WWP1: variants seen among roughly 807,000 people sequenced by gnomAD.
The protein encoded by WWP1 is WW domain containing E3 ubiquitin protein ligase 1.
In WWP1, 49 loss-of-function variants were observed where a neutral mutation model predicts 130.6. The ratio of observed to expected loss-of-function variants is 0.38; its 90% CI spans 0.30 to 0.48. The LOEUF is 0.48. WWP1 is among the 20% of genes least tolerant of loss of function. WWP1 has a pLI of 0.99. For missense variants in WWP1, 809 were observed against 1,100.6 expected (o/e 0.74, Z 3.75); for synonymous variants, 332 against 367.8 (o/e 0.90, Z 1.11).
Position 86,374,128 on chromosome 8 carries a change from A to G in WWP1, c.70+8A>G. ...TGCAGTTACAGGTAACTGGTAAGTT[A>G]TTTTTATATTTAATATGGTGATTCC... is the stretch of plus-strand genomic sequence containing the variant. On this transcript the variant is annotated splice_region_variant and intron_variant, in intron 3 of 24. Coordinates refer to ENST00000517970, the MANE Select transcript of WWP1 (RefSeq NM_007013.4). The G allele has an allele frequency of 1.3e-6, 2 of 1,599,254 alleles. No homozygotes were observed. Among genetic ancestry groups the G allele is most frequent in the Middle Eastern group, 1.7e-4 (1 of 5,984 alleles).
chr8:86,391,303 T>C (rs1807324500), intron 5 of WWP1, among the ~76,000 whole-genome samples: 1 of 152,214 alleles, frequency 6.6e-6, no homozygotes, highest in Non-Finnish European at 1.5e-5. Context: ...AGAATGTTTG[T>C]GGATTTAAGC....
rs114668153 is a variant in WWP1, at chr8:86,465,466, A to T, written c.2670-1328A>T. Among the ~76,000 whole-genome samples the T allele has an allele frequency of 4.3e-3, 651 of 152,270 alleles. 6 individuals carry two copies. Among genetic ancestry groups the T allele is most frequent in the African/African-American group, 0.015 (616 of 41,558 alleles). On this transcript the variant is annotated intron_variant, in intron 24 of 24. Transcript: ENST00000517970. ...GACAAAACTTCGTCTCTACAAAAAA[A>T]AATACAAAAGTTAGCTGGCCATGGT... is the stretch of plus-strand genomic sequence containing the variant.
At chr8:86,380,504 G>T (rs1281753198) in intron 3 of WWP1, among the ~76,000 whole-genome samples, 3 of 152,134 alleles carry the variant, frequency 2.0e-5, no homozygotes, top group African/African-American at 4.8e-5. Flanking sequence ...AGTTTAAGTG[G>T]GTGAATTATA....
At chr8:86,431,307 TTA>T (rs528574199) in intron 12 of WWP1, 97 bp from the exon 13 acceptor site, 308 of 289,172 alleles carry the variant, frequency 1.1e-3, no homozygotes, top group African/African-American at 6.2e-3. Context: ...TGATATGTTT[TTA>T]TATATATAAT....
At chr8:86,400,831 GT>G (rs1180998818) in intron 7 of WWP1, among the ~76,000 whole-genome samples, 4 of 152,164 alleles carry the variant, frequency 2.6e-5, no homozygotes, top group Non-Finnish European at 5.9e-5. Flanking sequence ...TGGGATAAAG[GT>G]GTGGCTGATT....
chr8:86,406,662 A>ATG lies in WWP1; in HGVS notation c.724+4473_724+4474dup, dbSNP rs915908987. Among the ~76,000 whole-genome samples the ATG allele has an allele frequency of 3.2e-3, 483 of 151,276 alleles. 2 individuals are homozygous for ATG. The highest frequency in any genetic ancestry group is 0.011 in the African/African-American group (446 of 41,026). The stretch of plus-strand genomic sequence containing the variant: ...TTTCACCATTTCTACCTGTGTGTGT[A>ATG]TGTGTGTGTGTGTGTTTCTATACAG... On this transcript the variant is annotated intron_variant, in intron 8 of 24. Coordinates refer to ENST00000517970, the MANE Select transcript of WWP1 (RefSeq NM_007013.4).
Position 86,467,396 on chromosome 8 carries a change from TA to T in WWP1, c.*516del, listed in dbSNP as rs878923216. 436 of 145,350 alleles carry T rather than the reference TA, an allele frequency of 3.0e-3. 1 individual carries two copies. Among genetic ancestry groups the T allele is most frequent in the Admixed American group, 3.3e-3 (47 of 14,438 alleles). The allele number at this position is 145,350 out of a possible 1,614,324, so 9.0% of individuals were successfully genotyped here. A position where few individuals can be genotyped will look rare whatever the true frequency, so the allele number is the denominator to read the frequency against. ...AGGCCAAATCTTACTTTGAGTATGT[TA>T]AAAAAAAAAAAATGCTGCTGGCTTT... On this transcript the variant is annotated 3_prime_UTR_variant, in exon 25 of 25. Coordinates refer to ENST00000517970, the MANE Select transcript of WWP1 (RefSeq NM_007013.4).
intron 3 of WWP1, among the ~76,000 whole-genome samples, chr8:86,379,904 G>A (rs1824883434): frequency 6.6e-6 from 1 of 152,100 alleles, no homozygotes; most frequent in African/African-American, 2.4e-5. Flanking sequence ...AGAAATCAGT[G>A]TATATTGTTG....
At chr8:86,428,907 G>C (rs1809781899) in intron 11 of WWP1, among the ~76,000 whole-genome samples, 1 of 152,178 alleles carries the variant, frequency 6.6e-6, no homozygotes, top group Admixed American at 6.5e-5. Context: ...GAACAGGGCA[G>C]AATGAGGTAA....
chr8:86,412,753 G>A (rs976291619), intron 9 of WWP1, among the ~76,000 whole-genome samples: 1 of 148,974 alleles, frequency 6.7e-6, no homozygotes, highest in African/African-American at 2.5e-5. Context: ...TGGCTCGTCT[G>A]ATGTTGTCCA....
Position 86,342,769 on chromosome 8 carries a change from G to C in WWP1, c.-276G>C. On this transcript the variant is annotated 5_prime_UTR_variant, in exon 1 of 25. Transcript: ENST00000517970. ...CTCCGCGTGCGGGTTCCGAGTGGCT[G>C]CTGGCGGCCTGGGCTGCCGGGGCCG... 2.7e-6 allele frequency: 1 copy of C among 367,260 alleles called. No homozygotes were observed. Among genetic ancestry groups the C allele is most frequent in the Non-Finnish European group, 4.9e-6 (1 of 205,804 alleles). 22.8% of individuals were successfully genotyped at this position (367,260 alleles called of 1,614,324 possible). A position where few individuals can be genotyped will look rare whatever the true frequency, so the allele number is the denominator to read the frequency against.
chr8:86,394,539 G>A (rs932128831), intron 5 of WWP1, among the ~76,000 whole-genome samples: 36 of 152,192 alleles, frequency 2.4e-4, no homozygotes, highest in African/African-American at 8.2e-4. Flanking sequence ...AGTGGTAAGT[G>A]CATTGAAGGA....
At chr8:86,395,008 A>G (rs2130463636) in intron 5 of WWP1, among the ~76,000 whole-genome samples, 1 of 152,034 alleles carries the variant, frequency 6.6e-6, no homozygotes, top group African/African-American at 2.4e-5. Context: ...CAGAATTAGA[A>G]TAGTCTGCCA....
intron 24 of WWP1, among the ~76,000 whole-genome samples, chr8:86,466,583 A>G (rs1316439254): frequency 4.0e-5 from 6 of 150,776 alleles, no homozygotes; most frequent in Admixed American, 2.6e-4. Context: ...TGCTACACTT[A>G]TTATTTGTAA....
chr8:86,390,747 A>T (rs1178995513), intron 5 of WWP1, among the ~76,000 whole-genome samples: 1 of 151,590 alleles, frequency 6.6e-6, no homozygotes, highest in Non-Finnish European at 1.5e-5. Flanking sequence ...GAGGAGCGGG[A>T]GGGAGAGGGA....
chr8:86,421,724 T>C (rs1809221346), intron 9 of WWP1, among the ~76,000 whole-genome samples: 1 of 151,830 alleles, frequency 6.6e-6, no homozygotes, highest in Non-Finnish European at 1.5e-5. Flanking sequence ...CTTGGGAGGC[T>C]GAGACAGGAG....
At chr8:86,422,690 A>T (rs1027001390) in intron 9 of WWP1, among the ~76,000 whole-genome samples, 1 of 152,100 alleles carries the variant, frequency 6.6e-6, no homozygotes, top group African/African-American at 2.4e-5. Flanking sequence ...TTTTATTTTT[A>T]AAAATTATTC....
chr8:86,449,222 T>A (rs1224647960), intron 20 of WWP1, among the ~76,000 whole-genome samples: 1 of 152,252 alleles, frequency 6.6e-6, no homozygotes, highest in East Asian at 1.9e-4. Flanking sequence ...AACCTGCTTC[T>A]CTAAATATTC....
rs971957358 is a variant in WWP1, at chr8:86,442,673, T to G, written c.1893T>G (p.Phe631Leu). The change falls in exon 18 of 25, where the codon TTT (phenylalanine) becomes TTG (leucine). Residue 631 changes from phenylalanine to leucine, a missense_variant. By Grantham distance (22) the Phe-to-Leu change is conservative. Transcript: ENST00000517970. Reference protein sequence around the residue: ...HEVLNPMYCLFEYAGKNNYCL... With the variant: ...HEVLNPMYCLLEYAGKNNYCL... Reference sequence around the variant, plus strand: ...TTTTGAACCCAATGTATTGCTTATTTGAGTATGCGGGCAAGAACAACTATT... The same window carrying G: ...TTTTGAACCCAATGTATTGCTTATTGGAGTATGCGGGCAAGAACAACTATT... The G allele has an allele frequency of 6.2e-7, 1 of 1,612,188 alleles. No homozygotes were observed. The highest frequency in any genetic ancestry group is 1.3e-5 in the African/African-American group (1 of 74,878).
Sources: allele counts gnomAD v4.1 joint callset (sites outside exome capture counted in the v4.1 genomes callset), GRCh38; gene constraint gnomAD v4.1.1; transcripts MANE v1.5; gene names NCBI Gene and HGNC (gene_info 2026-07-23, HGNC 2026-07-21).